ATP9B: variants seen among roughly 807,000 people sequenced by gnomAD.
The protein encoded by ATP9B is probable phospholipid-transporting ATPase IIB.
ATP9B carries 110 observed loss-of-function variants against 146.1 expected under a neutral mutation model. That is an observed-to-expected ratio of 0.75 (90% confidence interval 0.65 to 0.88). The LOEUF is 0.88. Ranked by LOEUF, ATP9B falls within the 40% of genes least tolerant of loss-of-function variation. The pLI, the probability that ATP9B is intolerant of heterozygous loss-of-function variation, is 0.00. For missense variants in ATP9B, 1,499 were observed against 1,496.4 expected, an observed-to-expected ratio of 1.00 and a Z score of -0.03; for synonymous variants, 604 against 569.7, an observed-to-expected ratio of 1.06 and a Z score of -0.86.
At chr18:79,184,415 T>G (rs894379787) in intron 8 of ATP9B, among the ~76,000 whole-genome samples, 2 of 152,154 alleles carry the variant, frequency 1.3e-5, no homozygotes, top group African/African-American at 4.8e-5. Flanking sequence ...CGTGCGTCAC[T>G]CCAGCCTGCA....
intron 9 of ATP9B, among the ~76,000 whole-genome samples, chr18:79,200,440 T>A (rs1380674548): frequency 6.6e-6 from 1 of 152,232 alleles, no homozygotes; most frequent in African/African-American, 2.4e-5. Flanking sequence ...AACACTATAG[T>A]GTTGAAGAAC....
intron 13 of ATP9B, among the ~76,000 whole-genome samples, chr18:79,286,307 G>C (rs2096440803): frequency 6.6e-6 from 1 of 152,040 alleles, no homozygotes; most frequent in South Asian, 2.1e-4. Context: ...GCAGTGGTTT[G>C]TAGTTCTCCT....
At chr18:79,201,040 G>C (rs1600412909) in intron 9 of ATP9B, among the ~76,000 whole-genome samples, 1 of 152,198 alleles carries the variant, frequency 6.6e-6, no homozygotes, top group Admixed American at 6.5e-5. Flanking sequence ...ATGGCCTGGT[G>C]ATGGTGACCA....
At position 79,303,593 on chromosome 18, in the gene ATP9B, C is replaced by A. The variant is rs747948441; in HGVS notation, c.1412-11C>A. On this transcript the variant is annotated splice_polypyrimidine_tract_variant and intron_variant, in intron 13 of 29. Transcript: ENST00000426216. Reference sequence around the variant, plus strand: ...GCATTAATGTGTTTGCTGTTGTCCCCTTTATCCTAGGAACCCTCACCCAGA... The same window carrying A: ...GCATTAATGTGTTTGCTGTTGTCCCATTTATCCTAGGAACCCTCACCCAGA... 5 of 1,611,756 alleles carry A rather than the reference C, an allele frequency of 3.1e-6. No homozygotes were observed. The highest frequency in any genetic ancestry group is 2.7e-5 in the African/African-American group (2 of 74,850).
intron 10 of ATP9B, among the ~76,000 whole-genome samples, chr18:79,208,426 T>G (rs2095554964): frequency 6.6e-6 from 1 of 152,056 alleles, no homozygotes; most frequent in Non-Finnish European, 1.5e-5. Context: ...AAGAAAAGGA[T>G]CCAAGGGCCA....
chr18:79,181,355 T>C (rs2095250436), intron 8 of ATP9B, among the ~76,000 whole-genome samples: 1 of 152,228 alleles, frequency 6.6e-6, no homozygotes, highest in South Asian at 2.1e-4. Flanking sequence ...TTTGTTGGGC[T>C]TCTTGTATCT....
intron 8 of ATP9B, among the ~76,000 whole-genome samples, chr18:79,190,509 T>TACAC (rs1491116061): frequency 2.1e-5 from 2 of 95,408 alleles, no homozygotes; most frequent in Non-Finnish European, 4.0e-5. Context: ...CCTTTTTATT[T>TACAC]ATACACACAC....
chr18:79,351,758 C>T (rs778209014), intron 25 of ATP9B, among the ~76,000 whole-genome samples: 15 of 151,498 alleles, frequency 9.9e-5, no homozygotes, highest in Admixed American at 8.5e-4. Flanking sequence ...ACTCAGTGCA[C>T]AGCAGGGAAA....
In ATP9B at chr18:79,250,825, G is replaced by A. The variant is rs73973032; in HGVS notation, c.1108-2556G>A. 5.2e-3 allele frequency among the ~76,000 whole-genome samples: 786 copies of A among 152,242 alleles called. 10 individuals carry two copies. The highest frequency in any genetic ancestry group is 0.017 in the African/African-American group (692 of 41,536). ...CCGACCATTTGTGATCTGGGGGAGC[G>A]GCGCTGTTACTGGTACTGTGGCTGA... is the stretch of plus-strand genomic sequence containing the variant. On this transcript the variant is annotated intron_variant, in intron 11 of 29. Transcript: ENST00000426216.
At chr18:79,101,794 C>T (rs1351712433) in intron 2 of ATP9B, among the ~76,000 whole-genome samples, 5 of 152,112 alleles carry the variant, frequency 3.3e-5, no homozygotes, top group African/African-American at 1.2e-4. Context: ...TTTGTGTACT[C>T]TCATAAGTAA....
intron 12 of ATP9B, among the ~76,000 whole-genome samples, chr18:79,276,031 G>T (rs2096304998): frequency 1.3e-5 from 2 of 152,170 alleles, no homozygotes; most frequent in African/African-American, 4.8e-5. Flanking sequence ...TTGCCATTTT[G>T]CTGGGTCAAA....
chr18:79,086,804 A>G (rs2073881260), intron 1 of ATP9B, among the ~76,000 whole-genome samples: 2 of 152,206 alleles, frequency 1.3e-5, no homozygotes, highest in African/African-American at 2.4e-5. Flanking sequence ...TATGATTCCC[A>G]TGGGGGAAAT....
intron 15 of ATP9B, among the ~76,000 whole-genome samples, chr18:79,318,812 A>G (rs1201465810): frequency 6.6e-6 from 1 of 152,166 alleles, no homozygotes; most frequent in Non-Finnish European, 1.5e-5. Flanking sequence ...TCTGGCCTTT[A>G]GTATTTATCT....
intron 12 of ATP9B, among the ~76,000 whole-genome samples, chr18:79,256,650 T>G (rs1351856111): frequency 6.6e-6 from 1 of 152,096 alleles, no homozygotes; most frequent in Non-Finnish European, 1.5e-5. Flanking sequence ...TTAAGCTTTA[T>G]CTTTACTCTC....
chr18:79,347,772 G>T lies in ATP9B; in HGVS notation c.2685G>T (p.Glu895Asp). 6.4e-7 allele frequency: 1 copy of T among 1,556,982 alleles called. No homozygotes were observed. Among genetic ancestry groups the T allele is most frequent in the Non-Finnish European group, 8.7e-7 (1 of 1,152,740 alleles). ...GGCCCCGTGTGCTTTTCTCTCAGGA[G>T]GGTAAACAGGCCTCGCTGGCGGCCG... ...ADCGIGIEGK[E>D]GKQASLAADF... The change falls in exon 24 of 30, where the codon GAG becomes GAT. Residue 895 changes from glutamate (E) to aspartate (D), a missense_variant and splice_region_variant. Transcript: ENST00000426216.
At position 79,277,277 on chromosome 18, in the gene ATP9B, TTATGTGTATGTATA is replaced by T. The variant is rs1205772322; in HGVS notation, c.1411+95_1411+108del. 5.9e-6 allele frequency: 9 copies of T among 1,524,474 alleles called. No individual in the cohort carries two copies. In the African/African-American group the frequency reaches 9.6e-5, roughly 16 times the overall value. 94.4% of individuals were successfully genotyped at this position (1,524,474 alleles called of 1,614,324 possible). A position where few individuals can be genotyped will look rare whatever the true frequency, so the allele number is the denominator to read the frequency against. On this transcript the variant is annotated intron_variant, in intron 13 of 29. Transcript: ENST00000426216. ...AATAGCATAGCGTATAGATATATGT[TTATGTGTATGTATA>T]TATGTGTATGTATTGGAACAGATCA... is the stretch of plus-strand genomic sequence containing the variant.
chr18:79,345,674 A>T, intron 22 of ATP9B, 101 bp from the exon 23 acceptor site: 1 of 1,600,728 alleles, frequency 6.2e-7, no homozygotes, highest in Non-Finnish European at 8.5e-7. Context: ...GATTGATTTC[A>T]TCTCCATTCA....
intron 13 of ATP9B, among the ~76,000 whole-genome samples, chr18:79,290,509 GCTGT>G (rs1334575257): frequency 6.6e-6 from 1 of 152,222 alleles, no homozygotes; most frequent in African/African-American, 2.4e-5. Flanking sequence ...TTTTCCAGGT[GCTGT>G]CTGTCACCCC....
chr18:79,141,659 A>T (rs1330602931), intron 5 of ATP9B, among the ~76,000 whole-genome samples: 1 of 152,180 alleles, frequency 6.6e-6, no homozygotes, highest in Non-Finnish European at 1.5e-5. Context: ...GCTCTGTAAG[A>T]TTATTGAGGC....
Sources: gnomAD v4.1 joint callset for allele counts (sites outside exome capture counted in the v4.1 genomes callset) on GRCh38, gnomAD v4.1.1 for gene constraint, MANE v1.5 for transcripts, NCBI Gene and HGNC (gene_info 2026-07-23, HGNC 2026-07-21) for gene names.